The following SHOC1 variants were observed in gnomAD, a reference collection of about 807,000 sequenced individuals.
The protein encoded by SHOC1 is protein shortage in chiasmata 1 ortholog.
Under a neutral mutation model 179.2 loss-of-function variants are expected in SHOC1, and 136 were observed. The ratio of observed to expected loss-of-function variants is 0.76; its 90% CI spans 0.66 to 0.87. SHOC1 has a LOEUF of 0.87. Ranked by LOEUF, SHOC1 falls within the 40% of genes least tolerant of loss-of-function variation. SHOC1 has a pLI of 0.00. For missense variants in SHOC1, 1,538 were observed against 1,700.8 expected (o/e 0.90, Z 1.68); for synonymous variants, 489 against 586.6 (o/e 0.83, Z 2.41).
chr9:111,717,510 A>T lies in SHOC1; in HGVS notation c.2236+674T>A, dbSNP rs534650310. On this transcript the variant is annotated intron_variant, in intron 16 of 27. Coordinates refer to ENST00000682961, the MANE Select transcript of SHOC1 (RefSeq NM_001378211.1). ...TGGGGGGCTGAGGCAGGAGAATGGC[A>T]TGAAGCCAGGAGGCAGAGGTTGCAG... 2.4e-3 allele frequency among the ~76,000 whole-genome samples: 361 copies of T among 151,766 alleles called. 1 individual carries two copies. Among genetic ancestry groups the T allele is most frequent in the African/African-American group, 7.9e-3 (326 of 41,392 alleles).
At chr9:111,694,651 A>G (rs73541243) in intron 24 of SHOC1, among the ~76,000 whole-genome samples, 2,955 of 152,132 alleles carry the variant, frequency 0.019, 90 homozygotes, top group African/African-American at 0.068. Context: ...GTTATATTTC[A>G]ACTATATTAG....
At chr9:111,788,091 A>T (rs1426533515) in intron 2 of SHOC1, among the ~76,000 whole-genome samples, 1 of 140,954 alleles carries the variant, frequency 7.1e-6, no homozygotes, top group Non-Finnish European at 1.5e-5. Flanking sequence ...TTTGAGACAG[A>T]GTCTCGCTCT....
chr9:111,794,098 C>T (rs998617162), intron 1 of SHOC1, among the ~76,000 whole-genome samples: 4 of 150,856 alleles, frequency 2.7e-5, no homozygotes, highest in East Asian at 4.0e-4. Flanking sequence ...GCAATCCTCT[C>T]GCCTCAGCCT....
chr9:111,787,408 T>G (rs747832056), intron 2 of SHOC1, among the ~76,000 whole-genome samples: 2 of 152,138 alleles, frequency 1.3e-5, no homozygotes, highest in African/African-American at 2.4e-5. Flanking sequence ...TGAACAGAAG[T>G]TTGAAAGAAG....
Position 111,786,486 on chromosome 9 carries a change from T to C in SHOC1, c.46-451A>G, listed in dbSNP as rs150367744. Among the ~76,000 whole-genome samples the C allele has an allele frequency of 2.9e-3, 434 of 150,284 alleles. 3 individuals are homozygous for C. The highest frequency in any genetic ancestry group is 9.9e-3 in the African/African-American group (405 of 40,884). On this transcript the variant is annotated intron_variant, in intron 2 of 27. Coordinates refer to ENST00000682961, the MANE Select transcript of SHOC1 (RefSeq NM_001378211.1). ...CATCCCTCACTTTATTGTGCTTTAT[T>C]CTATTGTGCTCTGCAGATTTTTTTT...
At position 111,718,206 on chromosome 9, in the gene SHOC1, T is replaced by C. The variant is rs531077787; in HGVS notation, c.2214A>G (p.Thr738=). ...LLVTIRDVLL[T]CSLDTALGYL... is the part of the protein sequence containing the mutation. The stretch of plus-strand genomic sequence containing the variant: ...AACCCAATGCTGTGTCCAAGCTGCA[T>C]GTTAAAAGGACATCTCTAATTGTTA... The change falls in exon 16 of 28, where the codon ACA becomes ACG. Residue 738 remains threonine (T), a synonymous_variant. Transcript: ENST00000682961. 1.4e-5 allele frequency: 22 copies of C among 1,597,858 alleles called. No homozygotes were observed. Among genetic ancestry groups the C allele is most frequent in the African/African-American group, 2.7e-5 (2 of 74,188 alleles).
chr9:111,734,044 A>AC (rs1833709741), intron 12 of SHOC1, among the ~76,000 whole-genome samples: 1 of 151,798 alleles, frequency 6.6e-6, no homozygotes, highest in African/African-American at 2.4e-5. Flanking sequence ...CTCTTTAAGC[A>AC]CCCCTACCCT....
Position 111,768,224 on chromosome 9 carries a change from T to C in SHOC1, c.442+7567A>G, listed in dbSNP as rs550223916. On this transcript the variant is annotated intron_variant, in intron 5 of 27. Coordinates refer to ENST00000682961, the MANE Select transcript of SHOC1 (RefSeq NM_001378211.1). ...TATAAATGCTACTGATTTTTGTATG[T>C]TAAATTTTTTTTTTTTTTTGAGATG... Among the ~76,000 whole-genome samples the C allele has an allele frequency of 6.0e-5, 9 of 148,768 alleles. No homozygotes were observed. In the South Asian group the frequency reaches 1.9e-3, roughly 32 times the overall value.
intron 5 of SHOC1, among the ~76,000 whole-genome samples, chr9:111,773,513 C>T (rs1048594930): frequency 2.0e-5 from 3 of 151,982 alleles, no homozygotes; most frequent in African/African-American, 7.2e-5. Flanking sequence ...GGTTTCACCA[C>T]GTTGGCCAGG....
intron 6 of SHOC1, 97 bp downstream of exon 6, chr9:111,758,598 A>G: frequency 1.7e-6 from 2 of 1,176,460 alleles, no homozygotes; most frequent in Non-Finnish European, 2.3e-6. Context: ...AAAACAAAAC[A>G]AAAAAAAACA....
chr9:111,691,620 CA>C lies in SHOC1; in HGVS notation c.4356del (p.Gly1453GlufsTer4). 6.2e-7 allele frequency: 1 copy of C among 1,613,738 alleles called. No homozygotes were observed. The highest frequency in any genetic ancestry group is 8.5e-7 in the Non-Finnish European group (1 of 1,179,878). On this transcript the variant is annotated frameshift_variant, in exon 27 of 28. Transcript: ENST00000682961. LOFTEE classifies it high-confidence loss of function. ...TGCCTTTTCTGTCCTAAACTTTTTC[CA>C]GCTCTTTGGTAGAAATAAAGGCTGT... The part of the protein sequence containing the change: ...EFNSLYFYQR[A>X]GKSLGQKRHH...
rs1463820847 is a variant in SHOC1 at position 111,694,406 on chromosome 9, GC to G, written c.3184-45del. On this transcript the variant is annotated intron_variant, in intron 24 of 27. Coordinates refer to ENST00000682961, the MANE Select transcript of SHOC1 (RefSeq NM_001378211.1). ...GTTAGATTATAGGAAATACTAGGAA[GC>G]AAAATATAATATTTTTTAAACAGTT... 2.1e-6 allele frequency: 3 copies of G among 1,397,026 alleles called. No homozygotes were observed. In the African/African-American group the frequency reaches 4.3e-5, roughly 20 times the overall value. 86.5% of individuals were successfully genotyped at this position (1,397,026 alleles called of 1,614,324 possible).
chr9:111,763,784 C>T (rs930879440), intron 5 of SHOC1, among the ~76,000 whole-genome samples: 2 of 152,092 alleles, frequency 1.3e-5, no homozygotes, highest in Non-Finnish European at 2.9e-5. Flanking sequence ...ATGGTGATAA[C>T]GACTTGTTCT....
Position 111,691,818 on chromosome 9 carries a change from A to G in SHOC1, c.4159T>C (p.Tyr1387His), listed in dbSNP as rs1361869114. 6.2e-7 allele frequency: 1 copy of G among 1,613,698 alleles called. No homozygotes were observed. The highest frequency in any genetic ancestry group is 8.5e-7 in the Non-Finnish European group (1 of 1,179,956). ...GAQQTACNKL[Y>H]SQKGNLFTDQ... ...GTGAATAAATTACCTTTCTGAGAGT[A>G]CAATTTGTTACATGCAGTCTGCTGT... The change falls in exon 27 of 28, where the codon TAC becomes CAC. Residue 1387 changes from tyrosine (Y) to histidine (H), a missense_variant. By Grantham distance (83) the Tyr-to-His change is moderately conservative (BLOSUM62 2). Coordinates refer to ENST00000682961, the MANE Select transcript of SHOC1 (RefSeq NM_001378211.1).
In SHOC1 at chr9:111,718,215, G is replaced by C; in HGVS notation, c.2205C>G (p.Val735=). ...LLHLLVTIRD[V]LLTCSLDTAL... Reference sequence around the variant, plus strand: ...CTGTGTCCAAGCTGCATGTTAAAAGGACATCTCTAATTGTTACCAGAAGAT... The same window carrying C: ...CTGTGTCCAAGCTGCATGTTAAAAGCACATCTCTAATTGTTACCAGAAGAT... Residue 735 remains valine (V), a synonymous_variant, in exon 16 of 28, where the codon GTC becomes GTG. Coordinates refer to ENST00000682961, the MANE Select transcript of SHOC1 (RefSeq NM_001378211.1). 1 of 1,598,522 alleles carries C rather than the reference G, an allele frequency of 6.3e-7. No homozygotes were observed. Among genetic ancestry groups the C allele is most frequent in the Non-Finnish European group, 8.5e-7 (1 of 1,174,786 alleles).
intron 5 of SHOC1, among the ~76,000 whole-genome samples, chr9:111,760,684 T>C (rs1360663894): frequency 6.6e-6 from 1 of 151,828 alleles, no homozygotes; most frequent in Non-Finnish European, 1.5e-5. Context: ...AAATACCAAT[T>C]TGTGAACTAT....
chr9:111,758,213 T>A lies in SHOC1; in HGVS notation c.597-18A>T. 1 of 1,367,588 alleles carries A rather than the reference T, an allele frequency of 7.3e-7. No homozygotes were observed. Among genetic ancestry groups the A allele is most frequent in the Non-Finnish European group, 1.0e-6 (1 of 986,864 alleles). 84.7% of individuals were successfully genotyped at this position (1,367,588 alleles called of 1,614,324 possible). ...AACATTCCCTTAAAAAAAAATACAT[T>A]AATTAGTGTTTACTAAAAGCAAGTT... On this transcript the variant is annotated intron_variant, in intron 6 of 27. Transcript: ENST00000682961.
chr9:111,725,162 AT>A (rs1407301798), intron 13 of SHOC1, among the ~76,000 whole-genome samples: 3 of 152,208 alleles, frequency 2.0e-5, no homozygotes, highest in Non-Finnish European at 2.9e-5. Context: ...TTAAAATGCT[AT>A]TTTCAAGTAA....
At chr9:111,756,519 C>A in intron 7 of SHOC1, 41 bp from the exon 8 acceptor site, 1 of 1,537,036 alleles carries the variant, frequency 6.5e-7, no homozygotes, top group Non-Finnish European at 8.7e-7. Flanking sequence ...GAGAGGCTTT[C>A]CAAATAAATA....
Sources: allele counts gnomAD v4.1 joint callset (sites outside exome capture counted in the v4.1 genomes callset), GRCh38; gene constraint gnomAD v4.1.1; transcripts MANE v1.5; gene names NCBI Gene and HGNC (gene_info 2026-07-23, HGNC 2026-07-21).